RAD51B: variants seen among roughly 807,000 people sequenced by gnomAD.
The protein encoded by RAD51B is DNA repair protein RAD51 homolog 2.
RAD51B carries 38 observed loss-of-function variants against 42.2 expected under a neutral mutation model. That is an observed-to-expected ratio of 0.90 (90% CI 0.70 to 1.18). RAD51B has a LOEUF of 1.18. Ranked by LOEUF, RAD51B falls within the 50% of genes most tolerant of loss-of-function variation. The pLI is 0.00. For missense variants in RAD51B, 373 were observed against 400.7 expected (o/e 0.93, Z 0.59); for synonymous variants, 154 against 145.2 (o/e 1.06, Z -0.43).
chr14:68,584,475 G>A (rs1169178538), intron 10 of RAD51B, among the ~76,000 whole-genome samples: 1 of 152,172 alleles, frequency 6.6e-6, no homozygotes, highest in Non-Finnish European at 1.5e-5. Flanking sequence ...TAACGCTCAT[G>A]CTCCCATAGC....
intron 8 of RAD51B, among the ~76,000 whole-genome samples, chr14:68,382,593 A>G (rs1473017335): frequency 1.3e-5 from 2 of 152,228 alleles, no homozygotes; most frequent in African/African-American, 4.8e-5. Context: ...ACCTCCCCAC[A>G]AAGACTTAGA....
At chr14:68,425,676 T>C (rs1566876164) in intron 9 of RAD51B, among the ~76,000 whole-genome samples, 1 of 152,230 alleles carries the variant, frequency 6.6e-6, no homozygotes, top group East Asian at 1.9e-4. Flanking sequence ...CAAAATGGAC[T>C]AAGACAGAAG....
At chr14:68,628,958 G>T (rs1404438542) in intron 10 of RAD51B, among the ~76,000 whole-genome samples, 1 of 152,176 alleles carries the variant, frequency 6.6e-6, no homozygotes, top group African/African-American at 2.4e-5. Context: ...TTTGAAAAGC[G>T]TGGCGTTCCA....
chr14:68,234,619 C>G (rs1187227805), intron 7 of RAD51B, among the ~76,000 whole-genome samples: 1 of 152,024 alleles, frequency 6.6e-6, no homozygotes, highest in African/African-American at 2.4e-5. Context: ...GTTTGTGTAT[C>G]TAAACATAGA....
intron 9 of RAD51B, among the ~76,000 whole-genome samples, chr14:68,455,958 T>A (rs2085675979): frequency 6.6e-6 from 1 of 152,214 alleles, no homozygotes; most frequent in African/African-American, 2.4e-5. Flanking sequence ...GCTATATTGA[T>A]GCACATTTTT....
chr14:68,068,931 T>C (rs2076697293), intron 7 of RAD51B, among the ~76,000 whole-genome samples: 1 of 152,202 alleles, frequency 6.6e-6, no homozygotes, highest in Admixed American at 6.5e-5. Context: ...ACTTCTCGAT[T>C]ATTGCAAGTC....
intron 10 of RAD51B, among the ~76,000 whole-genome samples, chr14:68,604,280 C>T (rs977001102): frequency 1.8e-5 from 2 of 112,218 alleles, no homozygotes; most frequent in African/African-American, 7.2e-5. Context: ...AAGGCCACGC[C>T]AATGAAGTCC....
intron 10 of RAD51B, among the ~76,000 whole-genome samples, chr14:68,558,374 G>C (rs1888967519): frequency 6.6e-6 from 1 of 152,206 alleles, no homozygotes; most frequent in South Asian, 2.1e-4. Context: ...TCGCTTCCTA[G>C]GGCTCCCCTA....
intron 7 of RAD51B, among the ~76,000 whole-genome samples, chr14:67,944,599 T>C (rs2045326902): frequency 6.6e-6 from 1 of 152,222 alleles, no homozygotes; most frequent in Non-Finnish European, 1.5e-5. Context: ...GTAGTGTGTT[T>C]ATGTACTTGA....
intron 7 of RAD51B, among the ~76,000 whole-genome samples, chr14:68,111,562 T>C (rs1481767174): frequency 1.3e-5 from 2 of 152,092 alleles, no homozygotes; most frequent in African/African-American, 2.4e-5. Flanking sequence ...TGTGTGACAG[T>C]TCTCTCTTTT....
intron 9 of RAD51B, among the ~76,000 whole-genome samples, chr14:68,438,567 T>C (rs1172446336): frequency 1.3e-5 from 2 of 152,170 alleles, no homozygotes; most frequent in African/African-American, 2.4e-5. Flanking sequence ...TCAGAAATGA[T>C]TTCTTATAAT....
chr14:68,245,025 C>G (rs1269287592), intron 7 of RAD51B, among the ~76,000 whole-genome samples: 1 of 152,198 alleles, frequency 6.6e-6, no homozygotes, highest in African/African-American at 2.4e-5. Context: ...CACTAACTAG[C>G]TCAGATGTGT....
At chr14:68,491,171 G>T (rs145603058) in intron 10 of RAD51B, among the ~76,000 whole-genome samples, 45 of 152,330 alleles carry the variant, frequency 3.0e-4, no homozygotes, top group African/African-American at 8.9e-4. Context: ...GAGGCCTGGA[G>T]CCCCAGCCCT....
At chr14:68,599,915 T>C (rs2331775), downstream of RAD51B, among the ~76,000 whole-genome samples, 53,370 of 152,054 alleles carry the variant, frequency 0.35, 9,758 homozygotes, top group Non-Finnish European at 0.39. Context: ...CAGGCCCTGG[T>C]CCTGCAGAGT....
At chr14:68,511,718 GA>G (rs1462510415) in intron 10 of RAD51B, among the ~76,000 whole-genome samples, 1 of 152,198 alleles carries the variant, frequency 6.6e-6, no homozygotes, top group East Asian at 1.9e-4. Context: ...AGCTGAGAGG[GA>G]AATTGGAGTT....
At chr14:67,819,996 C>T (rs957883618) in intron 1 of RAD51B, 143 bp downstream of exon 1, 6 of 152,128 alleles carry the variant, frequency 3.9e-5, no homozygotes, top group African/African-American at 1.2e-4. Flanking sequence ...CCTTAAGACT[C>T]GGGATCGTCA....
chr14:67,986,153 G>A (rs1458939295), intron 7 of RAD51B, among the ~76,000 whole-genome samples: 2 of 152,198 alleles, frequency 1.3e-5, no homozygotes, highest in Non-Finnish European at 2.9e-5. Flanking sequence ...CTTATAGACA[G>A]AGATGATTTA....
At chr14:68,527,850 C>A (rs1381438362) in intron 10 of RAD51B, among the ~76,000 whole-genome samples, 3 of 152,128 alleles carry the variant, frequency 2.0e-5, no homozygotes, top group African/African-American at 7.2e-5. Flanking sequence ...TAGAAAGAAG[C>A]CTGGAAGGAA....
At chr14:68,344,505 G>T (rs748217480) in intron 8 of RAD51B, among the ~76,000 whole-genome samples, 23 of 152,048 alleles carry the variant, frequency 1.5e-4, no homozygotes, top group Non-Finnish European at 1.5e-4. Flanking sequence ...AAATTAGCAC[G>T]GCGTGGTGGT....
Sources: gnomAD v4.1 joint callset for allele counts (sites outside exome capture counted in the v4.1 genomes callset) on GRCh38, gnomAD v4.1.1 for gene constraint, MANE v1.5 for transcripts, NCBI Gene and HGNC (gene_info 2026-07-23, HGNC 2026-07-21) for gene names.